ITGA4: variants seen among roughly 807,000 people sequenced by gnomAD.
ITGA4 encodes integrin subunit alpha 4.
A neutral mutation model predicts 133.6 loss-of-function variants in ITGA4; 63 were observed. That is an observed-to-expected ratio of 0.47 (90% confidence interval 0.38 to 0.58). ITGA4 has a LOEUF of 0.58. ITGA4 is among the 20% of genes least tolerant of loss of function. The pLI is 0.00. For missense variants in ITGA4, 1,076 were observed against 1,252.7 expected (o/e 0.86, Z 2.13); for synonymous variants, 483 against 438.0 (o/e 1.10, Z -1.28).
chr2:181,537,384 C>T lies in ITGA4; in HGVS notation c.*1857C>T, dbSNP rs1409819835. 2.2e-6 allele frequency: 1 copy of T among 453,078 alleles called. No homozygotes were observed. The highest frequency in any genetic ancestry group is 4.4e-6 in the Non-Finnish European group (1 of 226,284). 28.1% of individuals were successfully genotyped at this position (453,078 alleles called of 1,614,324 possible). On this transcript the variant is annotated 3_prime_UTR_variant, in exon 28 of 28. Transcript: ENST00000397033. ...AAGGGGAACACAATTACATATTGGG[C>T]TAGATTTTGCCCAGTTCAAAATAGT... is the stretch of plus-strand genomic sequence containing the variant.
intron 15 of ITGA4, among the ~76,000 whole-genome samples, chr2:181,502,812 G>GT (rs998818797): frequency 9.2e-5 from 14 of 151,982 alleles, no homozygotes; most frequent in African/African-American, 2.7e-4. Context: ...GTGTGCTTGT[G>GT]TTTTTTTTCC....
At chr2:181,493,965 G>A (rs778569731) in intron 11 of ITGA4, among the ~76,000 whole-genome samples, 2 of 152,044 alleles carry the variant, frequency 1.3e-5, no homozygotes, top group African/African-American at 2.4e-5. Flanking sequence ...GAGAAGAAAA[G>A]TTTTTCCCTT....
At chr2:181,478,008 A>G (rs1386533090) in intron 4 of ITGA4, among the ~76,000 whole-genome samples, 4 of 152,116 alleles carry the variant, frequency 2.6e-5, no homozygotes, top group Non-Finnish European at 5.9e-5. Context: ...ACACACATAT[A>G]TACATAAACA....
In ITGA4 at chr2:181,485,883, A is replaced by T; in HGVS notation, c.1044A>T (p.Gly348=). 1 of 1,600,576 alleles carries T rather than the reference A, an allele frequency of 6.2e-7. No individual in the cohort carries two copies. The highest frequency in any genetic ancestry group is 8.5e-7 in the Non-Finnish European group (1 of 1,174,894). The change falls in exon 10 of 28, where the codon GGA becomes GGT. Residue 348 remains glycine, a splice_region_variant and synonymous_variant. Transcript: ENST00000397033. ...RVFVYINSGS[G]AVMNAMETNL... Reference sequence around the variant, plus strand: ...GTTTTCTCTCCCTTTCTATCTAGGGAGCAGTAATGAATGCAATGGAAACAA... The same window carrying T: ...GTTTTCTCTCCCTTTCTATCTAGGGTGCAGTAATGAATGCAATGGAAACAA...
At chr2:181,517,996 A>C (rs1470809966) in intron 17 of ITGA4, among the ~76,000 whole-genome samples, 1 of 151,858 alleles carries the variant, frequency 6.6e-6, no homozygotes, top group African/African-American at 2.4e-5. Flanking sequence ...GTCAAGCTGA[A>C]GTTTACTTTT....
In ITGA4 at chr2:181,485,877, C is replaced by CT. The variant is rs1344523399; in HGVS notation, c.1042-3dup. The CT allele has an allele frequency of 1.9e-6, 3 of 1,591,696 alleles. No homozygotes were observed. The East Asian group carries it at 6.8e-5, about 36-fold the overall frequency. On this transcript the variant is annotated splice_region_variant and splice_polypyrimidine_tract_variant and intron_variant, in intron 9 of 27. Coordinates refer to ENST00000397033, the MANE Select transcript of ITGA4 (RefSeq NM_000885.6). ...TGACACGTTTTCTCTCCCTTTCTAT[C>CT]TAGGGAGCAGTAATGAATGCAATGG...
chr2:181,535,363 A>C (rs1687040116), intron 27 of ITGA4, 69 bp from the exon 28 acceptor site: 1 of 1,192,444 alleles, frequency 8.4e-7, no homozygotes. Flanking sequence ...CTTAGATATT[A>C]GAAATGAGTA....
intron 1 of ITGA4, 85 bp from the exon 2 acceptor site, chr2:181,458,111 C>A (rs922374423): frequency 3.8e-6 from 6 of 1,578,214 alleles, no homozygotes; most frequent in Non-Finnish European, 5.2e-6. Context: ...AGCTGCCCTG[C>A]TGCGGACTGC....
intron 9 of ITGA4, among the ~76,000 whole-genome samples, chr2:181,483,491 T>C (rs921052241): frequency 6.6e-6 from 1 of 152,202 alleles, no homozygotes; most frequent in African/African-American, 2.4e-5. Flanking sequence ...AAGAAAGTAT[T>C]TGTAACTATG....
At chr2:181,499,316 A>T (rs1416767987) in intron 15 of ITGA4, among the ~76,000 whole-genome samples, 1 of 152,104 alleles carries the variant, frequency 6.6e-6, no homozygotes, top group Non-Finnish European at 1.5e-5. Flanking sequence ...GATAGCTCTC[A>T]TGATGGTTTG....
chr2:181,531,288 A>G (rs1417580545), intron 24 of ITGA4, among the ~76,000 whole-genome samples: 1 of 152,172 alleles, frequency 6.6e-6, no homozygotes, highest in Non-Finnish European at 1.5e-5. Context: ...AATGTATGAA[A>G]AGAAACTGGA....
chr2:181,524,368 G>A, intron 20 of ITGA4, 118 bp downstream of exon 20: 1 of 571,456 alleles, frequency 1.7e-6, no homozygotes, highest in Non-Finnish European at 3.0e-6. Flanking sequence ...TCTCTTACGT[G>A]GTATGCTTTT....
chr2:181,493,458 T>C lies in ITGA4; in HGVS notation c.1248+39T>C, dbSNP rs758762234. On this transcript the variant is annotated intron_variant, in intron 11 of 27. Coordinates refer to ENST00000397033, the MANE Select transcript of ITGA4 (RefSeq NM_000885.6). ...CTATTTCCAAAAGAAGCATTGGTTATAATGCATATCCTTAAAACTTCCAGG... is the reference window on the plus strand; with the variant it reads ...CTATTTCCAAAAGAAGCATTGGTTACAATGCATATCCTTAAAACTTCCAGG... The C allele has an allele frequency of 5.6e-6, 7 of 1,254,450 alleles. No individual in the cohort carries two copies. The Admixed American group carries it at 1.3e-4, about 24-fold the overall frequency. 77.7% of individuals were successfully genotyped at this position (1,254,450 alleles called of 1,614,324 possible). A position where few individuals can be genotyped will look rare whatever the true frequency, so the allele number is the denominator to read the frequency against.
At position 181,495,849 on chromosome 2, in the gene ITGA4, T is replaced by C; in HGVS notation, c.1452T>C (p.Phe484=). 1.2e-6 allele frequency: 2 copies of C among 1,613,998 alleles called. No homozygotes were observed. The highest frequency in any genetic ancestry group is 2.7e-5 in the African/African-American group (2 of 75,054). The change falls in exon 14 of 28, where the codon TTT becomes TTC. Residue 484 remains phenylalanine (F), a synonymous_variant. Transcript: ENST00000397033. This position sits in a 1 kb window ranked among gnomAD's most constrained non-coding sequence, Gnocchi z 4.3. Reference sequence around the variant, plus strand: ...CTGAGTCAGTAAATAGAACGAAATTTGACTGTGTTGAAAATGGATGGCCTT... The same window carrying C: ...CTGAGTCAGTAAATAGAACGAAATTCGACTGTGTTGAAAATGGATGGCCTT... ...SHPESVNRTK[F]DCVENGWPSV... is the part of the protein sequence containing the mutation.
intron 26 of ITGA4, 127 bp downstream of exon 26, chr2:181,534,497 C>T: frequency 3.0e-6 from 2 of 670,476 alleles, no homozygotes; most frequent in South Asian, 1.9e-5. Flanking sequence ...GGAGGGCCCC[C>T]AATACTTGGT....
rs942509894 is a variant in ITGA4 at position 181,516,934 on chromosome 2, G to A, written c.1922+5159G>A. ...TGACAGCATAAAGTTTTGGGAGAATGAATTATATGCTTTATAAACTAAGAC... is the reference window on the plus strand; with the variant it reads ...TGACAGCATAAAGTTTTGGGAGAATAAATTATATGCTTTATAAACTAAGAC... On this transcript the variant is annotated intron_variant, in intron 17 of 27. Transcript: ENST00000397033. The surrounding 1 kb of genome is among the most constrained non-coding windows in gnomAD (Gnocchi z 4.0). 6.6e-6 allele frequency among the ~76,000 whole-genome samples: 1 copy of A among 152,048 alleles called. No homozygotes were observed. The highest frequency in any genetic ancestry group is 2.4e-5 in the African/African-American group (1 of 41,418).
Position 181,530,650 on chromosome 2 carries a change from G to GT in ITGA4, c.2664+2dup. ...GTCCAAGACTGATAAGAGGCTATTGGTAAGTTTCAGTTTTTCAGGTTGTAG... is the reference window on the plus strand; with the variant it reads ...GTCCAAGACTGATAAGAGGCTATTGGTTAAGTTTCAGTTTTTCAGGTTGTAG... On this transcript the variant is annotated splice_donor_variant, in intron 24 of 27. Transcript: ENST00000397033. LOFTEE classifies it high-confidence loss of function. The GT allele has an allele frequency of 6.2e-7, 1 of 1,608,118 alleles. No homozygotes were observed. The highest frequency in any genetic ancestry group is 8.5e-7 in the Non-Finnish European group (1 of 1,176,766).
chr2:181,508,199 T>A (rs985649717), intron 15 of ITGA4, among the ~76,000 whole-genome samples: 2 of 151,886 alleles, frequency 1.3e-5, no homozygotes, highest in African/African-American at 4.8e-5. Flanking sequence ...CAATGAATTT[T>A]AAAAATCTGA....
chr2:181,538,224 C>CTGA lies in ITGA4; in HGVS notation c.*2699_*2701dup, dbSNP rs762150607. The CTGA allele has an allele frequency of 6.3e-7, 1 of 1,592,624 alleles. No individual in the cohort carries two copies. Among genetic ancestry groups the CTGA allele is most frequent in the Admixed American group, 1.7e-5 (1 of 59,890 alleles). On this transcript the variant is annotated 3_prime_UTR_variant, in exon 28 of 28. Transcript: ENST00000397033. Reference sequence around the variant, plus strand: ...TTCTTCCATGCTTCCTCCATAAAGACTGATAAGTCTTGGATGCAATCTGTA... The same window carrying CTGA: ...TTCTTCCATGCTTCCTCCATAAAGACTGATGATAAGTCTTGGATGCAATCTGTA...
Sources: allele counts gnomAD v4.1 joint callset (sites outside exome capture counted in the v4.1 genomes callset), GRCh38; gene constraint gnomAD v4.1.1; non-coding constraint Gnocchi (gnomAD v3.1); transcripts MANE v1.5; gene names NCBI Gene and HGNC (gene_info 2026-07-23, HGNC 2026-07-21).